The following ZNF423 variants were observed in gnomAD, a reference collection of about 807,000 sequenced individuals.
ZNF423 encodes the protein Ebf-associated zinc finger protein.
ZNF423 carries 12 observed loss-of-function variants against 95.8 expected under a neutral mutation model. That is an observed-to-expected ratio of 0.13 (90% CI 0.08 to 0.20). The LOEUF (loss-of-function observed/expected upper bound fraction) is 0.20. Among genes scored for constraint, ZNF423 ranks in the 10% least tolerant of loss-of-function variants. The probability of loss-of-function intolerance (pLI) is 1.00; values close to 1 mark genes in which losing one functional copy is unlikely to be tolerated. For missense variants in ZNF423, 1,316 were observed against 1,737.1 expected, an observed-to-expected ratio of 0.76 and a Z score of 4.31; for synonymous variants, 749 against 711.9, an observed-to-expected ratio of 1.05 and a Z score of -0.83.
At chr16:49,793,376 T>C (rs890202482) in intron 1 of ZNF423, among the ~76,000 whole-genome samples, 11 of 152,110 alleles carry the variant, frequency 7.2e-5, no homozygotes, top group Non-Finnish European at 1.5e-4. Context: ...CACTGCACAC[T>C]GAAGACTCGC....
intron 5 of ZNF423, among the ~76,000 whole-genome samples, chr16:49,534,319 T>G (rs1184406196): frequency 6.6e-6 from 1 of 152,022 alleles, no homozygotes; most frequent in Non-Finnish European, 1.5e-5. Flanking sequence ...CATGGCACGT[T>G]CTCAGCTCAC....
chr16:49,765,879 A>T (rs978271364), intron 2 of ZNF423, among the ~76,000 whole-genome samples: 18 of 152,200 alleles, frequency 1.2e-4, no homozygotes, highest in Non-Finnish European at 2.2e-4. Context: ...CAGTAGTCAA[A>T]TTCATACAGA....
At chr16:49,613,721 A>G (rs1971793976) in intron 5 of ZNF423, among the ~76,000 whole-genome samples, 1 of 152,156 alleles carries the variant, frequency 6.6e-6, no homozygotes, top group Non-Finnish European at 1.5e-5. Context: ...CAAACAAAGC[A>G]ATTCAATAGA....
chr16:49,834,558 G>A lies in ZNF423; in HGVS notation c.40+21177C>T, dbSNP rs570869458. ...TGCGTCCCCTCTGGGAAGCACGCTCGCCAAGGAGGCGGTGGTAGGAGGGAC... is the reference window on the plus strand; with the variant it reads ...TGCGTCCCCTCTGGGAAGCACGCTCACCAAGGAGGCGGTGGTAGGAGGGAC... On this transcript the variant is annotated intron_variant, in intron 1 of 7. Coordinates refer to ENST00000563137, the MANE Select transcript of ZNF423 (RefSeq NM_001379286.1). Among the ~76,000 whole-genome samples the A allele has an allele frequency of 7.9e-5, 12 of 152,180 alleles. 1 individual carries two copies. The East Asian group carries it at 1.8e-3, about 22-fold the overall frequency.
chr16:49,638,527 G>A lies in ZNF423; in HGVS notation c.649C>T (p.Leu217Phe). Residue 217 changes from leucine to phenylalanine, a missense_variant, in exon 4 of 8, where the codon CTC (leucine) becomes TTC (phenylalanine). By Grantham distance (22) the Leu-to-Phe change is conservative (BLOSUM62 0). Transcript: ENST00000563137. This position sits in a 1 kb window ranked among gnomAD's most constrained non-coding sequence, Gnocchi z 5.6. ...CEAAFSRSDH[L>F]KIHLKTHSSS... Reference sequence around the variant, plus strand: ...CTGTGGGTCTTCAGGTGGATCTTGAGGTGGTCGCTGCGGGAGAAGGCTGCC... The same window carrying A: ...CTGTGGGTCTTCAGGTGGATCTTGAAGTGGTCGCTGCGGGAGAAGGCTGCC... 6.2e-7 allele frequency: 1 copy of A among 1,613,786 alleles called. No homozygotes were observed. The highest frequency in any genetic ancestry group is 1.3e-5 in the African/African-American group (1 of 75,006).
chr16:49,541,341 A>G (rs908983176), intron 5 of ZNF423, among the ~76,000 whole-genome samples: 5 of 152,218 alleles, frequency 3.3e-5, no homozygotes, highest in African/African-American at 1.2e-4. Flanking sequence ...CAGACTAACA[A>G]TCACTCAGAC....
At chr16:49,672,740 C>T (rs112857731) in intron 3 of ZNF423, among the ~76,000 whole-genome samples, 1 of 152,162 alleles carries the variant, frequency 6.6e-6, no homozygotes, top group Admixed American at 6.5e-5. Flanking sequence ...CACTTGAAAC[C>T]CCAGGCAACG....
chr16:49,597,799 G>C (rs1447359135), intron 5 of ZNF423, among the ~76,000 whole-genome samples: 1 of 152,174 alleles, frequency 6.6e-6, no homozygotes, highest in East Asian at 1.9e-4. Context: ...AATACTCAGA[G>C]ATTATATTAC....
intron 7 of ZNF423, among the ~76,000 whole-genome samples, chr16:49,499,034 C>T (rs946270565): frequency 1.3e-5 from 2 of 152,196 alleles, no homozygotes; most frequent in African/African-American, 2.4e-5. Context: ...GTCAATCCCC[C>T]GGGGCCCAGG....
chr16:49,690,931 T>G (rs2031755484), intron 3 of ZNF423, among the ~76,000 whole-genome samples: 1 of 152,110 alleles, frequency 6.6e-6, no homozygotes, highest in Non-Finnish European at 1.5e-5. Context: ...TAAAGCAACC[T>G]GTTTCACCAG....
At chr16:49,698,965 T>C (rs1567297789) in intron 3 of ZNF423, among the ~76,000 whole-genome samples, 1 of 152,216 alleles carries the variant, frequency 6.6e-6, no homozygotes, top group Non-Finnish European at 1.5e-5. Context: ...ATCTTTCTTG[T>C]AAAATACTTC....
intron 2 of ZNF423, among the ~76,000 whole-genome samples, chr16:49,747,145 T>A (rs993948323): frequency 6.6e-6 from 1 of 152,170 alleles, no homozygotes; most frequent in Non-Finnish European, 1.5e-5. Flanking sequence ...CGTGAGAGTA[T>A]CTGCTGCAGG....
intron 5 of ZNF423, among the ~76,000 whole-genome samples, chr16:49,605,609 C>T (rs1971512558): frequency 6.6e-6 from 1 of 152,182 alleles, no homozygotes; most frequent in South Asian, 2.1e-4. Flanking sequence ...AGCAGACACT[C>T]CCTCGGGAGA....
At position 49,637,630 on chromosome 16, in the gene ZNF423, C is replaced by T. The variant is rs1363154257; in HGVS notation, c.1546G>A (p.Ala516Thr). The change falls in exon 4 of 8, where the codon GCC becomes ACC. Residue 516 changes from alanine to threonine, a missense_variant. By Grantham distance (58) the Ala-to-Thr change is moderately conservative (BLOSUM62 0). Coordinates refer to ENST00000563137, the MANE Select transcript of ZNF423 (RefSeq NM_001379286.1). The surrounding 1 kb of genome is among the most constrained non-coding windows in gnomAD (Gnocchi z 5.6). Reference protein sequence around the residue: ...HIRVSHCGPNANPSDGNNAFF... With the variant: ...HIRVSHCGPNTNPSDGNNAFF... ...GCATTATTACCGTCAGAGGGGTTGG[C>T]GTTGGGGCCGCAGTGGGAGACGCGG... 3.7e-6 allele frequency: 6 copies of T among 1,613,844 alleles called. No homozygotes were observed. The highest frequency in any genetic ancestry group is 1.3e-5 in the African/African-American group (1 of 74,908).
chr16:49,749,319 A>C (rs920044154), intron 2 of ZNF423, among the ~76,000 whole-genome samples: 2 of 152,228 alleles, frequency 1.3e-5, no homozygotes, highest in African/African-American at 2.4e-5. Context: ...ACAGGGATGC[A>C]GGGCGTGCAT....
At chr16:49,513,656 TGGATGGATGGATGGATGGAC>T (rs1354723240) in intron 7 of ZNF423, among the ~76,000 whole-genome samples, 4 of 130,206 alleles carry the variant, frequency 3.1e-5, no homozygotes, top group Admixed American at 2.3e-4. Flanking sequence ...GATGGATGGA[TGGATGGATGGATGGATGGAC>T]GGACGGATGG....
At chr16:49,856,697 G>T (rs547416162), upstream of ZNF423, among the ~76,000 whole-genome samples, 10 of 149,068 alleles carry the variant, frequency 6.7e-5, no homozygotes, top group African/African-American at 1.7e-4. Flanking sequence ...GCGCGCGGGG[G>T]CGCTCAGGCG....
rs373352405 is a variant in ZNF423, at chr16:49,492,096, A to G, written c.3850-792T>C. Among the ~76,000 whole-genome samples the G allele has an allele frequency of 6.6e-6, 1 of 152,214 alleles. No individual in the cohort carries two copies. The highest frequency in any genetic ancestry group is 2.1e-4 in the South Asian group (1 of 4,836). On this transcript the variant is annotated intron_variant, in intron 7 of 7. Transcript: ENST00000563137. The surrounding 1 kb of genome is among the most constrained non-coding windows in gnomAD (Gnocchi z 4.2). Reference sequence around the variant, plus strand: ...CCCCTGCCAGCCAGAGGGGGCCAGCAGGGTTGATCTGTTTCACAGGAGCCA... The same window carrying G: ...CCCCTGCCAGCCAGAGGGGGCCAGCGGGGTTGATCTGTTTCACAGGAGCCA...
chr16:49,769,592 C>G (rs2033994676), intron 2 of ZNF423, among the ~76,000 whole-genome samples: 1 of 152,018 alleles, frequency 6.6e-6, no homozygotes, highest in Admixed American at 6.5e-5. Context: ...CCCTGGTTCC[C>G]CATCAACTCA....
Sources: gnomAD v4.1 joint callset for allele counts (sites outside exome capture counted in the v4.1 genomes callset) on GRCh38, gnomAD v4.1.1 for gene constraint, Gnocchi (gnomAD v3.1) non-coding constraint, MANE v1.5 for transcripts, NCBI Gene and HGNC (gene_info 2026-07-23, HGNC 2026-07-21) for gene names.